FAT2: variants seen among roughly 807,000 people sequenced by gnomAD.
FAT2 encodes protocadherin Fat 2.
FAT2 carries 150 observed loss-of-function variants against 295.3 expected under a neutral mutation model. The observed-to-expected ratio is 0.51, with a 90% CI of 0.44 to 0.58. The LOEUF (loss-of-function observed/expected upper bound fraction) is 0.58. Among genes scored for constraint, FAT2 ranks in the 20% least tolerant of loss-of-function variants. FAT2 has a pLI of 0.00. For synonymous variants in FAT2, 2,026 were observed against 2,150.3 expected, an observed-to-expected ratio of 0.94 and a Z score of 1.60; for missense variants, 4,868 against 5,442.7, an observed-to-expected ratio of 0.89 and a Z score of 3.32.
chr5:151,520,249 G>A (rs538541224), intron 19 of FAT2, among the ~76,000 whole-genome samples: 1 of 152,380 alleles, frequency 6.6e-6, no homozygotes, highest in African/African-American at 2.4e-5. Flanking sequence ...CTTTCCTTTA[G>A]CCAAGGCTCC....
intron 1 of FAT2, among the ~76,000 whole-genome samples, chr5:151,582,913 A>G (rs1759015384): frequency 6.6e-6 from 1 of 152,170 alleles, no homozygotes; most frequent in African/African-American, 2.4e-5. Flanking sequence ...GCTAAAGTCA[A>G]ACAGAAGAGC....
In FAT2 at chr5:151,566,084, A is replaced by G; in HGVS notation, c.2848T>C (p.Ser950Pro). ...CCTGCGGGGCCCAGGTCAGGATCAGAGGCATCCAGAAATGTCAAGACAGTC... is the reference window on the plus strand; with the variant it reads ...CCTGCGGGGCCCAGGTCAGGATCAGGGGCATCCAGAAATGTCAAGACAGTC... Reference protein sequence around the residue: ...PGTVLTFLDASDPDLGPAGEV... With the variant: ...PGTVLTFLDAPDPDLGPAGEV... Residue 950 changes from serine to proline, a missense_variant, in exon 2 of 24, where the codon TCT becomes CCT. Transcript: ENST00000261800. 6.2e-7 allele frequency: 1 copy of G among 1,614,110 alleles called. No individual in the cohort carries two copies. Among genetic ancestry groups the G allele is most frequent in the Non-Finnish European group, 8.5e-7 (1 of 1,180,026 alleles).
rs1311505636 is a variant in FAT2, at chr5:151,557,477, A to G, written c.3575-1075T>C. The stretch of plus-strand genomic sequence containing the variant: ...GAGAATCCATTCTGGGACTTTTGCA[A>G]GAGCTCTAGAAAGAGACTTTTTTCT... On this transcript the variant is annotated intron_variant, in intron 3 of 23. Transcript: ENST00000261800. Among the ~76,000 whole-genome samples, 6 of 152,242 alleles carry G rather than the reference A, an allele frequency of 3.9e-5. No homozygotes were observed. The South Asian group carries it at 1.2e-3, about 32-fold the overall frequency.
rs1050208352 is a variant in FAT2, at chr5:151,531,510, C to A, written c.9811+77G>T. The A allele has an allele frequency of 4.4e-6, 7 of 1,576,710 alleles. No individual in the cohort carries two copies. In the African/African-American group the frequency reaches 9.4e-5, roughly 21 times the overall value. ...TGGGAGGCGCTGCACAGGGTAGATACCCACACAGGGGAGGAACCCAGCGCT... is the reference window on the plus strand; with the variant it reads ...TGGGAGGCGCTGCACAGGGTAGATAACCACACAGGGGAGGAACCCAGCGCT... On this transcript the variant is annotated intron_variant, in intron 14 of 23. Coordinates refer to ENST00000261800, the MANE Select transcript of FAT2 (RefSeq NM_001447.3). This position sits in a 1 kb window ranked among gnomAD's most constrained non-coding sequence, Gnocchi z 5.7.
chr5:151,536,496 C>T (rs1162090035), intron 12 of FAT2, among the ~76,000 whole-genome samples: 1 of 152,094 alleles, frequency 6.6e-6, no homozygotes, highest in African/African-American at 2.4e-5. Flanking sequence ...CTGTGCTGCC[C>T]ATCTCCACAC....
chr5:151,536,327 G>A (rs1038029799), intron 12 of FAT2, among the ~76,000 whole-genome samples: 1 of 152,162 alleles, frequency 6.6e-6, no homozygotes, highest in Non-Finnish European at 1.5e-5. Context: ...GCCTGTCCCT[G>A]CTGGGGTTAG....
chr5:151,574,558 G>A (rs1318198695), intron 1 of FAT2, among the ~76,000 whole-genome samples: 2 of 152,210 alleles, frequency 1.3e-5, no homozygotes, highest in African/African-American at 4.8e-5. Flanking sequence ...TCTCTTCTTA[G>A]TAGTAGGGAG....
chr5:151,559,576 A>ATCC (rs1415295290), intron 3 of FAT2, among the ~76,000 whole-genome samples: 1 of 148,844 alleles, frequency 6.7e-6, no homozygotes, highest in Non-Finnish European at 1.5e-5. Flanking sequence ...CTCCTTCACC[A>ATCC]TCCTCCTCCT....
At chr5:151,510,269 G>C (rs1761218755) in intron 21 of FAT2, 95 bp from the exon 22 acceptor site, 3 of 1,388,996 alleles carry the variant, frequency 2.2e-6, no homozygotes, top group African/African-American at 2.9e-5. Context: ...CAGCCGTTCA[G>C]TTACCATTTA....
intron 1 of FAT2, among the ~76,000 whole-genome samples, chr5:151,589,063 C>T (rs1168638424): frequency 6.6e-6 from 1 of 152,128 alleles, no homozygotes; most frequent in Non-Finnish European, 1.5e-5. Flanking sequence ...TACTATTAGT[C>T]CTAGAAATAC....
rs199601916 is a variant in FAT2 at position 151,563,513 on chromosome 5, T to C, written c.3386A>G (p.Asp1129Gly). 3.2e-4 allele frequency: 514 copies of C among 1,614,116 alleles called. No homozygotes were observed. Among genetic ancestry groups the C allele is most frequent in the Non-Finnish European group, 3.8e-4 (449 of 1,180,022 alleles). Reference sequence around the variant, plus strand: ...CATCTGGGGTGGGTTGTCATTGGCATCCGTAACCTCGATGTAGACTTCAGT... The same window carrying C: ...CATCTGGGGTGGGTTGTCATTGGCACCCGTAACCTCGATGTAGACTTCAGT... ...SVTEVYIEVT[D>G]ANDNPPQMSQ... The change falls in exon 3 of 24, where the codon GAT (aspartate) becomes GGT (glycine). Residue 1129 changes from aspartate (D) to glycine (G), a missense_variant. Asp to Gly is a moderately conservative substitution (Grantham distance 94, BLOSUM62 -1). Coordinates refer to ENST00000261800, the MANE Select transcript of FAT2 (RefSeq NM_001447.3).
rs759164618 is a variant in FAT2, at chr5:151,568,493, G to C, written c.439C>G (p.Leu147Val). The change falls in exon 2 of 24, where the codon CTC becomes GTC. Residue 147 changes from leucine to valine, a missense_variant. Around this residue, in one of 5 missense-constraint regions of FAT2, gnomAD observed 3,297 missense variants for 3,669.4 expected, o/e 0.90. Transcript: ENST00000261800. ...HILDQNDLKP[L>V]FSPPSYRVTI... ...ACTCTGTACGAAGGTGGAGAGAAGA[G>C]AGGCTTCAGGTCATTCTGGTCCAGG... 22 of 1,614,164 alleles carry C rather than the reference G, an allele frequency of 1.4e-5. No individual in the cohort carries two copies. Among genetic ancestry groups the C allele is most frequent in the Non-Finnish European group, 1.6e-5 (19 of 1,180,042 alleles).
intron 12 of FAT2, among the ~76,000 whole-genome samples, chr5:151,536,466 G>T (rs566323064): frequency 6.6e-6 from 1 of 152,220 alleles, no homozygotes; most frequent in African/African-American, 2.4e-5. Context: ...TCAGCAGCTG[G>T]CCCTTGTGAC....
At position 151,531,521 on chromosome 5, in the gene FAT2, G is replaced by C. The variant is rs2127590764; in HGVS notation, c.9811+66C>G. The C allele has an allele frequency of 3.8e-6, 6 of 1,593,008 alleles. No homozygotes were observed. Among genetic ancestry groups the C allele is most frequent in the Non-Finnish European group, 4.3e-6 (5 of 1,168,954 alleles). On this transcript the variant is annotated intron_variant, in intron 14 of 23. Coordinates refer to ENST00000261800, the MANE Select transcript of FAT2 (RefSeq NM_001447.3). The surrounding 1 kb of genome is among the most constrained non-coding windows in gnomAD (Gnocchi z 5.7). ...GCACAGGGTAGATACCCACACAGGGGAGGAACCCAGCGCTCCCAGAAACCC... is the reference window on the plus strand; with the variant it reads ...GCACAGGGTAGATACCCACACAGGGCAGGAACCCAGCGCTCCCAGAAACCC...
At chr5:151,556,214 G>C in intron 4 of FAT2, 130 bp downstream of exon 4, 1 of 743,568 alleles carries the variant, frequency 1.3e-6, no homozygotes, top group Non-Finnish European at 2.4e-6. Flanking sequence ...CATCCAGCAA[G>C]GTTCAGCTCA....
chr5:151,530,778 T>C (rs1228091186), intron 14 of FAT2, among the ~76,000 whole-genome samples: 1 of 152,100 alleles, frequency 6.6e-6, no homozygotes, highest in Non-Finnish European at 1.5e-5. Context: ...GTGTCTGCGG[T>C]TGGATGGATG....
intron 20 of FAT2, among the ~76,000 whole-genome samples, chr5:151,516,584 C>T (rs1175273011): frequency 1.1e-4 from 16 of 152,080 alleles, no homozygotes; most frequent in Admixed American, 9.8e-4. Flanking sequence ...CCTTTTTGCT[C>T]ATAATACTTA....
chr5:151,567,972 G>C lies in FAT2; in HGVS notation c.960C>G (p.Ile320Met). 1 of 1,614,204 alleles carries C rather than the reference G, an allele frequency of 6.2e-7. No individual in the cohort carries two copies. The highest frequency in any genetic ancestry group is 8.5e-7 in the Non-Finnish European group (1 of 1,180,048). ...NEFSLVSVKD[I>M]NWMEYLHGFN... ...ACCCATGAAGGTACTCCATCCAGTT[G>C]ATGTCTTTGACAGACACCAAACTGA... The change falls in exon 2 of 24, where the codon ATC (isoleucine) becomes ATG (methionine). Residue 320 changes from isoleucine (I) to methionine (M), a missense_variant. By Grantham distance (10) the Ile-to-Met change is conservative. Around this residue, in one of 5 missense-constraint regions of FAT2, gnomAD observed 3,297 missense variants for 3,669.4 expected, o/e 0.90. Transcript: ENST00000261800.
At chr5:151,520,145 G>A (rs1405998107) in intron 19 of FAT2, among the ~76,000 whole-genome samples, 1 of 152,250 alleles carries the variant, frequency 6.6e-6, no homozygotes, top group East Asian at 1.9e-4. Context: ...CAAATCTTCT[G>A]AGAAATGATA....
Sources: allele counts gnomAD v4.1 joint callset (sites outside exome capture counted in the v4.1 genomes callset), GRCh38; gene constraint gnomAD v4.1.1; regional missense constraint gnomAD v4.1.1; non-coding constraint Gnocchi (gnomAD v3.1); transcripts MANE v1.5; gene names NCBI Gene and HGNC (gene_info 2026-07-23, HGNC 2026-07-21).